The following NFIB variants were observed in gnomAD, a reference collection of about 807,000 sequenced individuals.
The protein encoded by NFIB is nuclear factor 1 B-type.
In NFIB, 11 loss-of-function variants were observed where a neutral mutation model predicts 61.5. The observed-to-expected ratio is 0.18, with a 90% CI of 0.11 to 0.30. The LOEUF is 0.30. Ranked by LOEUF, NFIB falls within the 10% of genes least tolerant of loss-of-function variation. The probability of loss-of-function intolerance (pLI) is 1.00; values close to 1 mark genes in which losing one functional copy is unlikely to be tolerated. For synonymous variants in NFIB, 260 were observed against 216.5 expected (o/e 1.20, Z -1.76); for missense variants, 471 against 608.9 (o/e 0.77, Z 2.38).
At chr9:14,204,309 A>G (rs528122524) in intron 2 of NFIB, 2 of 713,946 alleles carry the variant, frequency 2.8e-6, no homozygotes, top group South Asian at 1.5e-5. Flanking sequence ...GTCTTGAAGA[A>G]GCAGGAGGCC....
chr9:14,375,682 G>A (rs1004728197), intron 1 of NFIB, among the ~76,000 whole-genome samples: 1 of 151,856 alleles, frequency 6.6e-6, no homozygotes. Flanking sequence ...GAAAAACCTG[G>A]GAACATTTTC....
chr9:14,238,798 T>TA (rs1449071733), intron 2 of NFIB, among the ~76,000 whole-genome samples: 5 of 152,170 alleles, frequency 3.3e-5, no homozygotes, highest in Admixed American at 2.6e-4. Context: ...AAGGTACAGA[T>TA]AAACAGTAAC....
At chr9:14,446,630 C>T in the NFIB span, among the ~76,000 whole-genome samples, 1 of 151,966 alleles carries the variant, frequency 6.6e-6, no homozygotes, top group Non-Finnish European at 1.5e-5. Context: ...GACTTGAAAA[C>T]AGTATAATCA....
chr9:14,352,022 T>G (rs903559715), intron 1 of NFIB, among the ~76,000 whole-genome samples: 2 of 152,156 alleles, frequency 1.3e-5, no homozygotes, highest in African/African-American at 2.4e-5. Flanking sequence ...TAGCTAACAA[T>G]AAACTACTGT....
intron 8 of NFIB, among the ~76,000 whole-genome samples, chr9:14,117,283 C>T (rs1246408037): frequency 6.6e-6 from 1 of 152,154 alleles, no homozygotes; most frequent in African/African-American, 2.4e-5. Context: ...TGAGTTTTAG[C>T]TCCTGGGTAC....
chr9:14,409,886 G>A, the NFIB span, among the ~76,000 whole-genome samples: 1 of 152,106 alleles, frequency 6.6e-6, no homozygotes, highest in Non-Finnish European at 1.5e-5. Flanking sequence ...TAGGGATTTA[G>A]GATATGAAAA....
chr9:14,179,579 G>A, intron 3 of NFIB, 148 bp downstream of exon 3: 1 of 652,328 alleles, frequency 1.5e-6, no homozygotes, highest in Non-Finnish European at 2.5e-6. Flanking sequence ...CACTGCAAAG[G>A]GCCTAAGCAC....
upstream of NFIB, among the ~76,000 whole-genome samples, chr9:14,401,311 T>C (rs962416201): frequency 8.5e-5 from 13 of 152,212 alleles, no homozygotes; most frequent in Non-Finnish European, 1.6e-4. Context: ...ACCTGCTCTA[T>C]TTTCTAACTG....
At chr9:14,383,863 T>A (rs2061518704) in intron 1 of NFIB, among the ~76,000 whole-genome samples, 1 of 152,218 alleles carries the variant, frequency 6.6e-6, no homozygotes, top group Non-Finnish European at 1.5e-5. Flanking sequence ...AACATAATCT[T>A]GGCAACTGCC....
the NFIB span, among the ~76,000 whole-genome samples, chr9:14,484,466 A>G: frequency 6.6e-6 from 1 of 152,160 alleles, no homozygotes; most frequent in African/African-American, 2.4e-5. Flanking sequence ...CTACTTCTTT[A>G]TTACTCTGCT....
the NFIB span, among the ~76,000 whole-genome samples, chr9:14,460,423 C>T: frequency 0.21 from 32,347 of 150,920 alleles, 3,658 homozygotes; most frequent in East Asian, 0.32. Context: ...ATGTAAATGA[C>T]GAGTTAATGG....
chr9:14,522,284 C>T, the NFIB span, among the ~76,000 whole-genome samples: 2 of 151,876 alleles, frequency 1.3e-5, no homozygotes, highest in South Asian at 4.2e-4. Flanking sequence ...ATCAATATTC[C>T]AGCGTTTATG....
chr9:14,089,782 C>A (rs2118512795), intron 10 of NFIB, among the ~76,000 whole-genome samples: 1 of 152,220 alleles, frequency 6.6e-6, no homozygotes, highest in Admixed American at 6.5e-5. Context: ...GTACAAAAAC[C>A]TTTACAGAAT....
At chr9:14,284,074 G>C (rs1310219351) in intron 2 of NFIB, among the ~76,000 whole-genome samples, 1 of 152,138 alleles carries the variant, frequency 6.6e-6, no homozygotes, top group Non-Finnish European at 1.5e-5. Flanking sequence ...GGGCAGTCAT[G>C]GGTTGAATTC....
At chr9:14,097,840 C>T (rs1320330942) in intron 10 of NFIB, among the ~76,000 whole-genome samples, 4 of 149,950 alleles carry the variant, frequency 2.7e-5, no homozygotes, top group Non-Finnish European at 5.9e-5. Context: ...AGAGCTATTA[C>T]CCCCCCACAC....
intron 1 of NFIB, among the ~76,000 whole-genome samples, chr9:14,349,781 C>T (rs117488267): frequency 0.019 from 2,925 of 152,266 alleles, 54 homozygotes; most frequent in South Asian, 0.1. Flanking sequence ...TTATTAGTGA[C>T]AATTTCTTGC....
intron 3 of NFIB, among the ~76,000 whole-genome samples, chr9:14,156,426 A>G (rs903477772): frequency 6.6e-6 from 1 of 152,232 alleles, no homozygotes; most frequent in Non-Finnish European, 1.5e-5. Context: ...TTGTATATAC[A>G]GCAAATACAG....
chr9:14,379,794 T>A (rs950301846), intron 1 of NFIB, among the ~76,000 whole-genome samples: 1 of 152,146 alleles, frequency 6.6e-6, no homozygotes, highest in African/African-American at 2.4e-5. Flanking sequence ...GCAATTCTCC[T>A]ACCTCAGCCT....
At chr9:14,440,928 T>G in the NFIB span, among the ~76,000 whole-genome samples, 1 of 152,182 alleles carries the variant, frequency 6.6e-6, no homozygotes, top group Admixed American at 6.5e-5. Context: ...GTTTGAAAGG[T>G]GTTGTGTAGA....
Sources: gnomAD v4.1 joint callset for allele counts (sites outside exome capture counted in the v4.1 genomes callset) on GRCh38, gnomAD v4.1.1 for gene constraint, MANE v1.5 for transcripts, NCBI Gene and HGNC (gene_info 2026-07-23, HGNC 2026-07-21) for gene names.